ESF1: variants seen among roughly 807,000 people sequenced by gnomAD.
ESF1 encodes the protein ESF1 homolog.
Under a neutral mutation model 92.0 loss-of-function variants are expected in ESF1, and 58 were observed. The observed-to-expected ratio is 0.63, with a 90% CI of 0.51 to 0.78. The LOEUF is 0.78. Among genes scored for constraint, ESF1 ranks in the 30% least tolerant of loss-of-function variants. The pLI, the probability that ESF1 is intolerant of heterozygous loss-of-function variation, is 0.00. For missense variants in ESF1, 922 were observed against 989.1 expected (o/e 0.93, Z 0.91); for synonymous variants, 321 against 313.7 (o/e 1.02, Z -0.24).
chr20:13,737,004 C>G (rs1026029513), intron 9 of ESF1, among the ~76,000 whole-genome samples: 2 of 152,168 alleles, frequency 1.3e-5, no homozygotes, highest in African/African-American at 4.8e-5. Context: ...CAGATCACAG[C>G]TGTTTATGTT....
intron 8 of ESF1, among the ~76,000 whole-genome samples, chr20:13,764,344 G>T (rs985660949): frequency 6.6e-6 from 1 of 152,132 alleles, no homozygotes; most frequent in South Asian, 2.1e-4. Context: ...ATTACAACCC[G>T]GCAACCAGTT....
At chr20:13,743,228 T>G in intron 9 of ESF1, among the ~76,000 whole-genome samples, 1 of 152,126 alleles carries the variant, frequency 6.6e-6, no homozygotes, top group East Asian at 1.9e-4. Context: ...ATGGGTATTT[T>G]AAAAATGACA....
intron 11 of ESF1, among the ~76,000 whole-genome samples, chr20:13,723,679 A>C (rs146011184): frequency 5.5e-4 from 84 of 152,198 alleles, no homozygotes; most frequent in African/African-American, 2.0e-3. Flanking sequence ...CCACATTTTG[A>C]AGGCACATAA....
intron 2 of ESF1, among the ~76,000 whole-genome samples, chr20:13,781,854 A>C (rs760586959): frequency 6.6e-6 from 1 of 152,120 alleles, no homozygotes; most frequent in African/African-American, 2.4e-5. Context: ...TTTATTTTTG[A>C]GACGGAGTCC....
In ESF1 at chr20:13,782,710, CA is replaced by C. The variant is rs1283810215; in HGVS notation, c.430del (p.Cys144ValfsTer5). Reference protein sequence around the residue: ...SIGIKKMKTSCKFKIDSNISP... With the variant: ...SIGIKKMKTSXKFKIDSNISP... ...TATGTTTGAATCTATCTTAAATTTA[CA>C]TGAGGTTTTCATTTTTTTAATTCCT... is the stretch of plus-strand genomic sequence containing the variant. On this transcript the variant is annotated frameshift_variant, in exon 2 of 14. Coordinates refer to ENST00000617257, the MANE Select transcript of ESF1 (RefSeq NM_001276380.2). LOFTEE classifies it high-confidence loss of function. 6.3e-7 allele frequency: 1 copy of C among 1,585,912 alleles called. No individual in the cohort carries two copies. Among genetic ancestry groups the C allele is most frequent in the Non-Finnish European group, 8.5e-7 (1 of 1,171,536 alleles).
At chr20:13,726,529 T>C (rs997108987) in intron 11 of ESF1, among the ~76,000 whole-genome samples, 1 of 152,208 alleles carries the variant, frequency 6.6e-6, no homozygotes, top group Non-Finnish European at 1.5e-5. Context: ...CTTCTTTGCC[T>C]ACCCAATGTA....
chr20:13,732,855 G>A lies in ESF1; in HGVS notation c.1950+866C>T, dbSNP rs138201800. Among the ~76,000 whole-genome samples, 574 of 152,146 alleles carry A rather than the reference G, an allele frequency of 3.8e-3. 3 individuals are homozygous for A. Among genetic ancestry groups the A allele is most frequent in the African/African-American group, 0.013 (526 of 41,508 alleles). ...AGATGCTATTCCCTGAACAACATGAGTCAAATCATATTGTCCACAGAAACC... is the reference window on the plus strand; with the variant it reads ...AGATGCTATTCCCTGAACAACATGAATCAAATCATATTGTCCACAGAAACC... On this transcript the variant is annotated intron_variant, in intron 10 of 13. Coordinates refer to ENST00000617257, the MANE Select transcript of ESF1 (RefSeq NM_001276380.2).
chr20:13,768,393 A>T (rs1229350665), intron 7 of ESF1, among the ~76,000 whole-genome samples: 1 of 151,982 alleles, frequency 6.6e-6, no homozygotes, highest in Non-Finnish European at 1.5e-5. Context: ...GATCGGCCTG[A>T]CTAACATGGT....
chr20:13,777,017 G>T (rs1254930194), intron 2 of ESF1, among the ~76,000 whole-genome samples: 1 of 152,104 alleles, frequency 6.6e-6, no homozygotes, highest in Non-Finnish European at 1.5e-5. Flanking sequence ...AGACACTGCT[G>T]TTTTCAAAAA....
At chr20:13,727,620 T>C (rs903475820) in intron 11 of ESF1, among the ~76,000 whole-genome samples, 12 of 152,200 alleles carry the variant, frequency 7.9e-5, no homozygotes, top group Admixed American at 6.5e-4. Flanking sequence ...GTGATTTCTG[T>C]ACTGACTTAC....
In ESF1 at chr20:13,776,056, C is replaced by A. The variant is rs181498881; in HGVS notation, c.852G>T (p.Glu284Asp). Reference sequence around the variant, plus strand: ...CATCCTCACTATCCTCATCTTCATCCTCCTCTTCATCTTCATCCTCCTCTT... The same window carrying A: ...CATCCTCACTATCCTCATCTTCATCATCCTCTTCATCTTCATCCTCCTCTT... ...DDEEEDEDEE[E>D]DEDEDSEDDD... is the part of the protein sequence containing the mutation. The change falls in exon 3 of 14, where the codon GAG becomes GAT. Residue 284 changes from glutamate (E) to aspartate (D), a missense_variant. Physicochemically the swap from Glu to Asp is conservative, Grantham distance 45. Coordinates refer to ENST00000617257, the MANE Select transcript of ESF1 (RefSeq NM_001276380.2). 3 of 1,613,118 alleles carry A rather than the reference C, an allele frequency of 1.9e-6. No homozygotes were observed. In the African/African-American group the frequency reaches 4.0e-5, roughly 22 times the overall value.
chr20:13,778,864 G>A (rs553540901), intron 2 of ESF1, among the ~76,000 whole-genome samples: 1 of 152,162 alleles, frequency 6.6e-6, no homozygotes, highest in South Asian at 2.1e-4. Flanking sequence ...GGGCAACATG[G>A]CAAAACTCTT....
chr20:13,764,047 C>T (rs1979322147), intron 8 of ESF1, among the ~76,000 whole-genome samples: 3 of 151,978 alleles, frequency 2.0e-5, no homozygotes, highest in Non-Finnish European at 4.4e-5. Flanking sequence ...TATGGTCATA[C>T]TAAAGAAGCA....
intron 13 of ESF1, among the ~76,000 whole-genome samples, chr20:13,716,437 G>T (rs1037987156): frequency 6.6e-6 from 1 of 152,008 alleles, no homozygotes; most frequent in Non-Finnish European, 1.5e-5. Context: ...GCTGGTCTGA[G>T]GATCACTACA....
At chr20:13,719,521 C>T (rs62209173) in intron 11 of ESF1, among the ~76,000 whole-genome samples, 9,738 of 151,944 alleles carry the variant, frequency 0.064, 500 homozygotes, top group South Asian at 0.19. Context: ...AATATAGCAT[C>T]ATCATTAGAA....
chr20:13,733,388 T>C (rs1465111803), intron 10 of ESF1, among the ~76,000 whole-genome samples: 4 of 152,244 alleles, frequency 2.6e-5, no homozygotes, highest in Non-Finnish European at 4.4e-5. Context: ...AAAATGTCTG[T>C]ATGTACCTCT....
chr20:13,762,274 TTTCA>T lies in ESF1; in HGVS notation c.1667-2425_1667-2422del. On this transcript the variant is annotated intron_variant, in intron 8 of 13. Coordinates refer to ENST00000617257, the MANE Select transcript of ESF1 (RefSeq NM_001276380.2). Reference sequence around the variant, plus strand: ...TCTTTCCATCCTATCACACTTTTATTTTCATTCAAACAGCTGAAATTCATTTTTT... The same window carrying T: ...TCTTTCCATCCTATCACACTTTTATTTTCAAACAGCTGAAATTCATTTTTT... 2.6e-5 allele frequency among the ~76,000 whole-genome samples: 4 copies of T among 152,298 alleles called. No homozygotes were observed. The Middle Eastern group carries it at 0.014, about 518-fold the overall frequency.
intron 9 of ESF1, among the ~76,000 whole-genome samples, chr20:13,739,696 G>A (rs2049998390): frequency 6.7e-6 from 1 of 149,968 alleles, no homozygotes; most frequent in South Asian, 2.1e-4. Flanking sequence ...GGAATTTCTT[G>A]GAATCCAGTC....
chr20:13,722,622 G>A (rs763940341), intron 11 of ESF1, among the ~76,000 whole-genome samples: 4 of 152,090 alleles, frequency 2.6e-5, no homozygotes, highest in African/African-American at 7.2e-5. Flanking sequence ...GGCTGAAGGA[G>A]GAAGATTGCT....
Sources: allele counts gnomAD v4.1 joint callset (sites outside exome capture counted in the v4.1 genomes callset), GRCh38; gene constraint gnomAD v4.1.1; transcripts MANE v1.5; gene names NCBI Gene and HGNC (gene_info 2026-07-23, HGNC 2026-07-21).